BMAL1: variants seen among roughly 807,000 people sequenced by gnomAD.
BMAL1 encodes basic helix-loop-helix ARNT like 1.
chr11:13,341,397 G>A, the BMAL1 span, among the ~76,000 whole-genome samples: 1 of 152,176 alleles, frequency 6.6e-6, no homozygotes, highest in African/African-American at 2.4e-5. Context: ...GCTGTTGAAT[G>A]TTCTTCCCAT....
chr11:13,365,030 A>G, the BMAL1 span, among the ~76,000 whole-genome samples: 2 of 152,182 alleles, frequency 1.3e-5, no homozygotes, highest in East Asian at 3.9e-4. Context: ...ACTGTTTTAG[A>G]GAGCTCCCTG....
the BMAL1 span, among the ~76,000 whole-genome samples, chr11:13,294,659 G>A: frequency 1.3e-5 from 2 of 152,222 alleles, no homozygotes; most frequent in Non-Finnish European, 2.9e-5. Context: ...GATGTCCTGA[G>A]TAACTTTCCT....
the BMAL1 span, chr11:13,369,813 G>A: frequency 7.6e-6 from 12 of 1,586,584 alleles, no homozygotes; most frequent in Middle Eastern, 1.7e-4. Context: ...GGTGAAGCAT[G>A]CTTTCTGCAG....
the BMAL1 span, among the ~76,000 whole-genome samples, chr11:13,313,190 G>A: frequency 2.6e-5 from 4 of 152,246 alleles, no homozygotes; most frequent in African/African-American, 4.8e-5. Flanking sequence ...GCTCTGCTGA[G>A]CGTGCCTCTC....
At chr11:13,383,522 T>TA in the BMAL1 span, among the ~76,000 whole-genome samples, 6 of 151,958 alleles carry the variant, frequency 3.9e-5, no homozygotes, top group Non-Finnish European at 7.4e-5. Flanking sequence ...ACACTCACAG[T>TA]AAAAAAATAG....
chr11:13,311,747 G>A, the BMAL1 span, among the ~76,000 whole-genome samples: 1,003 of 152,254 alleles, frequency 6.6e-3, 19 homozygotes, highest in African/African-American at 0.023. Flanking sequence ...GCTTGTGATT[G>A]TGTTCTTATG....
chr11:13,373,890 A>G, the BMAL1 span, among the ~76,000 whole-genome samples: 1 of 152,022 alleles, frequency 6.6e-6, no homozygotes, highest in African/African-American at 2.4e-5. Flanking sequence ...GTTTCCCTCT[A>G]TTTTTATAGC....
chr11:13,377,150 G>GC, the BMAL1 span, among the ~76,000 whole-genome samples: 1 of 152,146 alleles, frequency 6.6e-6, no homozygotes, highest in Non-Finnish European at 1.5e-5. Context: ...CCTTGGCCCT[G>GC]CCCCTGCTGT....
the BMAL1 span, among the ~76,000 whole-genome samples, chr11:13,366,280 TA>T: frequency 6.6e-6 from 1 of 152,314 alleles, no homozygotes; most frequent in East Asian, 1.9e-4. Context: ...TTATCTCTGT[TA>T]ATAGACAAGG....
At chr11:13,365,724 ATAAAT>A in the BMAL1 span, 1 of 638,268 alleles carries the variant, frequency 1.6e-6, no homozygotes, top group Admixed American at 3.1e-5. Context: ...TTCTTAACAG[ATAAAT>A]TAATTTAGAC....
chr11:13,308,223 G>T, the BMAL1 span, among the ~76,000 whole-genome samples: 254 of 152,278 alleles, frequency 1.7e-3, 2 homozygotes, highest in South Asian at 3.1e-3. Flanking sequence ...CTTAAACTGA[G>T]GCGGACACAA....
the BMAL1 span, chr11:13,365,322 A>AC: frequency 9.7e-6 from 3 of 309,470 alleles, no homozygotes; most frequent in South Asian, 3.4e-5. Context: ...CACACACACA[A>AC]TCTTACAGTT....
chr11:13,300,001 A>G, the BMAL1 span, among the ~76,000 whole-genome samples: 1 of 152,182 alleles, frequency 6.6e-6, no homozygotes, highest in East Asian at 1.9e-4. Flanking sequence ...CGTTCTGCAA[A>G]CATAGGGAAA....
the BMAL1 span, chr11:13,378,625 C>T: frequency 2.6e-6 from 2 of 756,946 alleles, no homozygotes; most frequent in African/African-American, 3.6e-5. Flanking sequence ...AAACATCCTA[C>T]AGTAAACAGG....
At chr11:13,367,112 T>A in the BMAL1 span, among the ~76,000 whole-genome samples, 1 of 152,122 alleles carries the variant, frequency 6.6e-6, no homozygotes, top group Non-Finnish European at 1.5e-5. Context: ...AAGGGCTAAG[T>A]TTGATTTGTT....
chr11:13,358,107 C>T, the BMAL1 span, among the ~76,000 whole-genome samples: 1 of 152,170 alleles, frequency 6.6e-6, no homozygotes, highest in Non-Finnish European at 1.5e-5. Flanking sequence ...TCCTTTCACC[C>T]CCATTTCAAA....
At chr11:13,381,149 C>G in the BMAL1 span, 1 of 1,613,800 alleles carries the variant, frequency 6.2e-7, no homozygotes, top group Admixed American at 1.7e-5. Context: ...GTGTAATTCT[C>G]TTTTCTGACA....
the BMAL1 span, chr11:13,372,147 G>T: frequency 6.2e-7 from 1 of 1,612,554 alleles, no homozygotes; most frequent in South Asian, 1.1e-5. Flanking sequence ...CACTAACCAC[G>T]AACTTTGCTT....
chr11:13,383,849 C>CAAGGAGGGAAGGAGGA, the BMAL1 span, among the ~76,000 whole-genome samples: 2 of 151,904 alleles, frequency 1.3e-5, no homozygotes, highest in Non-Finnish European at 2.9e-5. Flanking sequence ...GAGACCCTAT[C>CAAGGAGGGAAGGAGGA]AAGGAGGGAA....
Sources: allele counts gnomAD v4.1 joint callset (sites outside exome capture counted in the v4.1 genomes callset), GRCh38; gene constraint gnomAD v4.1.1; transcripts MANE v1.5; gene names NCBI Gene and HGNC (gene_info 2026-07-23, HGNC 2026-07-21).